The following PGM3 variants were observed in gnomAD, a reference collection of about 807,000 sequenced individuals.
PGM3 encodes phosphoglucomutase 3, also known as phosphoacetylglucosamine mutase.
Under a neutral mutation model 66.2 loss-of-function variants are expected in PGM3, and 40 were observed. The ratio of observed to expected loss-of-function variants is 0.60; its 90% CI spans 0.47 to 0.79. The LOEUF (loss-of-function observed/expected upper bound fraction) is 0.79. PGM3 is among the 30% of genes least tolerant of loss of function. The pLI, the probability that PGM3 is intolerant of heterozygous loss-of-function variation, is 0.00. For missense variants in PGM3, 537 were observed against 643.4 expected (o/e 0.83, Z 1.79); for synonymous variants, 191 against 224.2 (o/e 0.85, Z 1.32).
chr6:83,148,906 G>T, the PGM3 span: 1 of 1,200,066 alleles, frequency 8.3e-7, no homozygotes, highest in Admixed American at 2.9e-5. Flanking sequence ...AAAGGATAAT[G>T]TTAATTGTCC....
chr6:83,156,947 T>G (rs1782935787), downstream of PGM3, among the ~76,000 whole-genome samples: 2 of 152,230 alleles, frequency 1.3e-5, no homozygotes, highest in African/African-American at 2.4e-5. Context: ...TTTTAAACTT[T>G]TATTTGCTAT....
At chr6:83,158,727 T>A, downstream of PGM3, 3 of 766,750 alleles carry the variant, frequency 3.9e-6, no homozygotes, top group Non-Finnish European at 6.3e-6. Flanking sequence ...TGAATACTTA[T>A]TTATTATTAT....
intron 4 of PGM3, among the ~76,000 whole-genome samples, chr6:83,185,674 G>A (rs1274152945): frequency 6.6e-6 from 1 of 152,058 alleles, no homozygotes; most frequent in African/African-American, 2.4e-5. Context: ...CAGGAGAATC[G>A]CTTGAACCAG....
intron 6 of PGM3, among the ~76,000 whole-genome samples, chr6:83,180,697 GAGCTC>G (rs1239777052): frequency 6.6e-6 from 1 of 152,214 alleles, no homozygotes; most frequent in Non-Finnish European, 1.5e-5. Flanking sequence ...TAGAGAGTAA[GAGCTC>G]AGTATTTAAG....
intron 1 of PGM3, among the ~76,000 whole-genome samples, chr6:83,192,363 G>C (rs1789192213): frequency 6.6e-6 from 1 of 152,222 alleles, no homozygotes; most frequent in Non-Finnish European, 1.5e-5. Flanking sequence ...ACCTCAGTCA[G>C]TAGTTTTCCT....
downstream of PGM3, chr6:83,162,703 C>A (rs989200693): frequency 1.4e-6 from 2 of 1,418,648 alleles, no homozygotes; most frequent in South Asian, 1.7e-5. Context: ...GCAGTGGGGT[C>A]ATGATCTTTC....
At chr6:83,190,009 G>C (rs1788926226) in intron 2 of PGM3, among the ~76,000 whole-genome samples, 1 of 152,146 alleles carries the variant, frequency 6.6e-6, no homozygotes, top group Non-Finnish European at 1.5e-5. Context: ...CTGGCCAATG[G>C]GCATAAACTT....
downstream of PGM3, chr6:83,162,814 A>G (rs1217681172): frequency 6.2e-7 from 1 of 1,612,950 alleles, no homozygotes; most frequent in Non-Finnish European, 8.5e-7. Context: ...TTATTCCAGA[A>G]GCCTCAGATG....
At chr6:83,159,503 C>T (rs1215980872), downstream of PGM3, among the ~76,000 whole-genome samples, 1 of 151,814 alleles carries the variant, frequency 6.6e-6, no homozygotes, top group Admixed American at 6.6e-5. Context: ...GTTGCCCAGG[C>T]TGGTCTCAAA....
intron 6 of PGM3, among the ~76,000 whole-genome samples, chr6:83,180,213 A>G (rs1462719209): frequency 6.6e-6 from 1 of 152,218 alleles, no homozygotes; most frequent in African/African-American, 2.4e-5. Flanking sequence ...ATTCCACTTT[A>G]TAAGCAGGTT....
chr6:83,162,707 ATCTT>A, downstream of PGM3: 1 of 1,437,800 alleles, frequency 7.0e-7, no homozygotes, highest in Non-Finnish European at 9.3e-7. Flanking sequence ...TGGGGTCATG[ATCTT>A]TCTACTACAT....
intron 2 of PGM3, among the ~76,000 whole-genome samples, chr6:83,189,554 G>A (rs964975043): frequency 6.6e-6 from 1 of 151,444 alleles, no homozygotes; most frequent in Non-Finnish European, 1.5e-5. Context: ...TTTGGGGGAA[G>A]AGGAGGTTAC....
chr6:83,159,678 A>T, downstream of PGM3: 1 of 1,114,622 alleles, frequency 9.0e-7, no homozygotes, highest in Non-Finnish European at 1.3e-6. Context: ...CTTAGCAATT[A>T]CTGGCACATT....
intron 1 of PGM3, among the ~76,000 whole-genome samples, chr6:83,191,634 T>C (rs1789065736): frequency 6.6e-6 from 1 of 152,224 alleles, no homozygotes; most frequent in Non-Finnish European, 1.5e-5. Flanking sequence ...TTCTAAGATG[T>C]TGCTCTAAAA....
At chr6:83,192,838 T>C (rs977803549) in intron 1 of PGM3, among the ~76,000 whole-genome samples, 1 of 151,520 alleles carries the variant, frequency 6.6e-6, no homozygotes, top group African/African-American at 2.4e-5. Flanking sequence ...AAGTTAAGAG[T>C]ATCCCCCTAC....
At chr6:83,169,834 C>A (rs1304000881) in intron 12 of PGM3, 2 of 456,942 alleles carry the variant, frequency 4.4e-6, no homozygotes, top group African/African-American at 2.0e-5. Context: ...GACCACAAGT[C>A]TTGACCCCTG....
Position 83,167,162 on chromosome 6 carries a change from G to T in PGM3, c.*2072C>A. On this transcript the variant is annotated 3_prime_UTR_variant, in exon 13 of 13. Transcript: ENST00000513973. ...CTCTACTAAAAGGTAGTTTTAGACT[G>T]TCCCATTTTATAAGTGAGGAACCTT... 1 of 899,512 alleles carries T rather than the reference G, an allele frequency of 1.1e-6. No homozygotes were observed. The highest frequency in any genetic ancestry group is 1.3e-6 in the Non-Finnish European group (1 of 751,538). The allele number at this position is 899,512 out of a possible 1,614,324, so 55.7% of individuals were successfully genotyped here.
intron 9 of PGM3, 142 bp from the exon 10 acceptor site, chr6:83,174,629 T>C (rs952843172): frequency 2.2e-5 from 12 of 533,614 alleles, no homozygotes; most frequent in African/African-American, 2.2e-4. Flanking sequence ...TTAAAATGTA[T>C]GAAATTAATG....
Position 83,191,136 on chromosome 6 carries a change from A to G in PGM3, c.-2-122T>C, listed in dbSNP as rs771775206. The stretch of plus-strand genomic sequence containing the variant: ...ATCCTGAACCTCCTCAAAGAACCCT[A>G]TGTTTGACAGAGCAATGGGCAGGAG... On this transcript the variant is annotated intron_variant, in intron 1 of 12. Coordinates refer to ENST00000513973, the MANE Select transcript of PGM3 (RefSeq NM_015599.3). 3.4e-4 allele frequency: 495 copies of G among 1,471,650 alleles called. 2 individuals are homozygous for G. In the Middle Eastern group the frequency reaches 0.014, roughly 43 times the overall value. The allele number at this position is 1,471,650 out of a possible 1,614,324, so 91.2% of individuals were successfully genotyped here. A position where few individuals can be genotyped will look rare whatever the true frequency, so the allele number is the denominator to read the frequency against.
Sources: allele counts gnomAD v4.1 joint callset (sites outside exome capture counted in the v4.1 genomes callset), GRCh38; gene constraint gnomAD v4.1.1; transcripts MANE v1.5; gene names NCBI Gene and HGNC (gene_info 2026-07-23, HGNC 2026-07-21).